BMPR1A: variants seen among roughly 807,000 people sequenced by gnomAD.
BMPR1A encodes the protein bone morphogenetic protein receptor type 1A.
Under a neutral mutation model 66.0 loss-of-function variants are expected in BMPR1A, and 7 were observed. The observed-to-expected ratio is 0.11, with a 90% CI of 0.06 to 0.20. The LOEUF (loss-of-function observed/expected upper bound fraction) is 0.20. BMPR1A is among the 10% of genes least tolerant of loss of function. The probability of loss-of-function intolerance (pLI) is 1.00; values close to 1 mark genes in which losing one functional copy is unlikely to be tolerated. For missense variants in BMPR1A, 408 were observed against 669.1 expected, an observed-to-expected ratio of 0.61 and a Z score of 4.31; for synonymous variants, 200 against 229.7, an observed-to-expected ratio of 0.87 and a Z score of 1.17.
intron 1 of BMPR1A, among the ~76,000 whole-genome samples, chr10:86,815,994 G>C (rs999484628): frequency 6.6e-6 from 1 of 152,202 alleles, no homozygotes; most frequent in African/African-American, 2.4e-5. Flanking sequence ...AAGGTGGTCA[G>C]CCTGGCTCTT....
intron 1 of BMPR1A, among the ~76,000 whole-genome samples, chr10:86,837,268 T>TGTGTGTAA (rs1564699466): frequency 6.6e-6 from 1 of 151,808 alleles, no homozygotes; most frequent in Non-Finnish European, 1.5e-5. Flanking sequence ...TGTGTGTGTG[T>TGTGTGTAA]GTGTGTAATC....
intron 1 of BMPR1A, among the ~76,000 whole-genome samples, chr10:86,814,497 G>A (rs1172621869): frequency 1.3e-5 from 2 of 151,924 alleles, no homozygotes; most frequent in African/African-American, 2.4e-5. Context: ...GGCATTATCT[G>A]TAATATTCAT....
intron 2 of BMPR1A, among the ~76,000 whole-genome samples, chr10:86,866,409 T>TTTC (rs1842787808): frequency 9.7e-6 from 1 of 103,078 alleles, no homozygotes; most frequent in African/African-American, 4.2e-5. Context: ...CTTTTTTTTT[T>TTTC]TTTTTTTTTT....
At position 86,892,812 on chromosome 10, in the gene BMPR1A, G is replaced by A. The variant is rs111270332; in HGVS notation, c.333+583G>A. ...GGGGAGGCCAAGGTTGCAGTTAGCC[G>A]AGATCGTTCCACGGTACTGCAGCCT... On this transcript the variant is annotated intron_variant, in intron 5 of 12. Transcript: ENST00000372037. 1.1e-4 allele frequency among the ~76,000 whole-genome samples: 16 copies of A among 149,230 alleles called. 1 individual carries two copies. Among genetic ancestry groups the A allele is most frequent in the African/African-American group, 2.5e-4 (10 of 40,366 alleles).
chr10:86,917,957 C>T (rs554517105), intron 9 of BMPR1A, among the ~76,000 whole-genome samples: 3 of 152,266 alleles, frequency 2.0e-5, no homozygotes, highest in Non-Finnish European at 2.9e-5. Flanking sequence ...ACTCAGTTTT[C>T]GAGGCTAGAA....
intron 1 of BMPR1A, among the ~76,000 whole-genome samples, chr10:86,802,013 C>T (rs1841818816): frequency 6.6e-6 from 1 of 152,120 alleles, no homozygotes; most frequent in Non-Finnish European, 1.5e-5. Flanking sequence ...CGCCCCCCAC[C>T]CTTGCCTGAT....
chr10:86,802,814 A>C (rs1841830653), intron 1 of BMPR1A, among the ~76,000 whole-genome samples: 2 of 151,984 alleles, frequency 1.3e-5, no homozygotes, highest in Non-Finnish European at 2.9e-5. Flanking sequence ...TTTAAAAAAA[A>C]AAAAGGAGTT....
At chr10:86,792,700 G>T (rs1290805831) in intron 1 of BMPR1A, among the ~76,000 whole-genome samples, 1 of 152,120 alleles carries the variant, frequency 6.6e-6, no homozygotes, top group African/African-American at 2.4e-5. Context: ...CCAAGCATTA[G>T]CAATTACTAT....
intron 5 of BMPR1A, among the ~76,000 whole-genome samples, chr10:86,897,207 A>T (rs1372036828): frequency 6.6e-6 from 1 of 152,218 alleles, no homozygotes; most frequent in South Asian, 2.1e-4. Context: ...GAATCACTTA[A>T]TTCATCAGTG....
At chr10:86,861,954 G>A (rs1035225979) in intron 2 of BMPR1A, among the ~76,000 whole-genome samples, 4 of 152,118 alleles carry the variant, frequency 2.6e-5, no homozygotes, top group Admixed American at 2.6e-4. Context: ...AAAGGAATTG[G>A]CATAATGTTT....
intron 1 of BMPR1A, among the ~76,000 whole-genome samples, chr10:86,801,621 A>AG (rs1469860810): frequency 1.3e-5 from 2 of 152,174 alleles, no homozygotes; most frequent in African/African-American, 4.8e-5. Context: ...CCTTAAAAAA[A>AG]GTCAGCCTCT....
chr10:86,930,017 T>G (rs1843792663), downstream of BMPR1A: 1 of 152,256 alleles, frequency 6.6e-6, no homozygotes, highest in Non-Finnish European at 1.5e-5. Flanking sequence ...CTACACAGCC[T>G]TGGCTCAGCG....
chr10:86,884,771 C>A (rs891373622), intron 3 of BMPR1A, among the ~76,000 whole-genome samples: 1 of 151,754 alleles, frequency 6.6e-6, no homozygotes, highest in Non-Finnish European at 1.5e-5. Flanking sequence ...CTTTTTTTTG[C>A]CATTCAGTGA....
downstream of BMPR1A, chr10:86,931,844 T>C (rs1589296262): frequency 6.6e-6 from 1 of 152,336 alleles, no homozygotes; most frequent in South Asian, 2.1e-4. Context: ...CTTTTTTCTT[T>C]CTTTTCCTTT....
rs183897481 is a variant in BMPR1A, at chr10:86,820,533, A to T, written c.-267-18332A>T. ...TCTAAGGCTCAGTCCTTATCGTCTG[A>T]GACCTCCCTCTCATTATCCATCTCT... On this transcript the variant is annotated intron_variant, in intron 1 of 12. Transcript: ENST00000372037. Among the ~76,000 whole-genome samples, 43 of 152,126 alleles carry T rather than the reference A, an allele frequency of 2.8e-4. No individual in the cohort carries two copies. The East Asian group carries it at 6.8e-3, about 24-fold the overall frequency.
intron 10 of BMPR1A, among the ~76,000 whole-genome samples, chr10:86,920,296 A>C (rs1843643779): frequency 6.6e-6 from 1 of 152,208 alleles, no homozygotes; most frequent in Admixed American, 6.5e-5. Context: ...TTCTTTCAGC[A>C]GTGTGCCTCA....
intron 7 of BMPR1A, among the ~76,000 whole-genome samples, chr10:86,903,633 A>G (rs1057111563): frequency 1.5e-4 from 23 of 150,716 alleles, no homozygotes; most frequent in Admixed American, 7.2e-4. Context: ...TTATTTTGAG[A>G]CAGAGTCTCG....
chr10:86,763,661 T>G (rs1374682244), intron 1 of BMPR1A, among the ~76,000 whole-genome samples: 1 of 152,200 alleles, frequency 6.6e-6, no homozygotes, highest in African/African-American at 2.4e-5. Flanking sequence ...CCTTCCCGTA[T>G]CCTGCTTTCT....
intron 11 of BMPR1A, among the ~76,000 whole-genome samples, chr10:86,922,446 A>G (rs142715713): frequency 3.4e-4 from 51 of 152,224 alleles, no homozygotes; most frequent in African/African-American, 1.2e-3. Context: ...CAGTTACGTA[A>G]TTTAGATGTC....
Sources: gnomAD v4.1 joint callset for allele counts (sites outside exome capture counted in the v4.1 genomes callset) on GRCh38, gnomAD v4.1.1 for gene constraint, MANE v1.5 for transcripts, NCBI Gene and HGNC (gene_info 2026-07-23, HGNC 2026-07-21) for gene names.